B3GALNT2: variants seen among roughly 807,000 people sequenced by gnomAD.
B3GALNT2 encodes the protein UDP-GalNAc:beta-1,3-N-acetylgalactosaminyltransferase 2.
Under a neutral mutation model 61.1 loss-of-function variants are expected in B3GALNT2, and 53 were observed. That is an observed-to-expected ratio of 0.87 (90% CI 0.70 to 1.09). B3GALNT2 has a LOEUF of 1.09. Among genes scored for constraint, B3GALNT2 ranks in the 50% least tolerant of loss-of-function variants. B3GALNT2 has a pLI of 0.00. For synonymous variants in B3GALNT2, 223 were observed against 237.4 expected, an observed-to-expected ratio of 0.94 and a Z score of 0.56; for missense variants, 544 against 623.0, an observed-to-expected ratio of 0.87 and a Z score of 1.35.
intron 4 of B3GALNT2, among the ~76,000 whole-genome samples, chr1:235,483,479 C>A (rs1182957004): frequency 6.6e-6 from 1 of 152,138 alleles, no homozygotes; most frequent in Non-Finnish European, 1.5e-5. Flanking sequence ...TGCCTCACGC[C>A]TGTAATCCCA....
chr1:235,470,541 G>T (rs1218948297), intron 6 of B3GALNT2, among the ~76,000 whole-genome samples: 1 of 138,888 alleles, frequency 7.2e-6, no homozygotes, highest in Non-Finnish European at 1.5e-5. Context: ...TCGTGCTAGT[G>T]CACCCCAGCC....
intron 7 of B3GALNT2, 73 bp downstream of exon 7, chr1:235,465,563 C>T: frequency 6.5e-7 from 1 of 1,549,574 alleles, no homozygotes; most frequent in South Asian, 1.2e-5. Flanking sequence ...AAGAAAAAAT[C>T]CTTTTCTCTC....
intron 3 of B3GALNT2, 71 bp downstream of exon 3, chr1:235,489,097 T>A (rs867901176): frequency 6.5e-7 from 1 of 1,541,718 alleles, no homozygotes; most frequent in Non-Finnish European, 8.7e-7. Flanking sequence ...ACAGACTCCA[T>A]ACTATTAAGC....
downstream of B3GALNT2, among the ~76,000 whole-genome samples, chr1:235,445,475 T>A (rs2102945881): frequency 6.6e-6 from 1 of 151,852 alleles, no homozygotes; most frequent in South Asian, 2.1e-4. Context: ...CAAAAATAAA[T>A]AAATACAAAA....
intron 6 of B3GALNT2, among the ~76,000 whole-genome samples, chr1:235,470,366 G>A (rs530128437): frequency 1.1e-4 from 16 of 152,044 alleles, no homozygotes; most frequent in African/African-American, 3.1e-4. Context: ...GTAGGTGGGC[G>A]GATCACTTGA....
intron 5 of B3GALNT2, among the ~76,000 whole-genome samples, chr1:235,475,601 T>C (rs1684240348): frequency 6.6e-6 from 1 of 152,074 alleles, no homozygotes; most frequent in African/African-American, 2.4e-5. Context: ...CAATCAGCCT[T>C]GATGCAGTAA....
At chr1:235,442,782 A>G, downstream of B3GALNT2, 5 of 1,457,916 alleles carry the variant, frequency 3.4e-6, no homozygotes, top group Non-Finnish European at 4.8e-6. Flanking sequence ...CCATCTGTTG[A>G]TGTGTGTGGA....
Position 235,449,052 on chromosome 1 carries a change from ACTAG to A in B3GALNT2, c.*1150_*1153del, listed in dbSNP as rs1682711278. On this transcript the variant is annotated 3_prime_UTR_variant, in exon 12 of 12. Transcript: ENST00000366600. ...AGATTTAAATATTAAATAGAAAGAAACTAGCTAGCCTAATAAAATCTGAACACAG... is the reference window on the plus strand; with the variant it reads ...AGATTTAAATATTAAATAGAAAGAAACTAGCCTAATAAAATCTGAACACAG... 2 of 343,314 alleles carry A rather than the reference ACTAG, an allele frequency of 5.8e-6. No homozygotes were observed. Among genetic ancestry groups the A allele is most frequent in the Admixed American group, 8.6e-5 (2 of 23,334 alleles). The allele number at this position is 343,314 out of a possible 1,614,324, so 21.3% of individuals were successfully genotyped here. A position where few individuals can be genotyped will look rare whatever the true frequency, so the allele number is the denominator to read the frequency against.
chr1:235,449,043 TAGAA>T lies in B3GALNT2; in HGVS notation c.*1159_*1162del, dbSNP rs535642426. ...TTCATGATAAGATTTAAATATTAAA[TAGAA>T]AGAAACTAGCTAGCCTAATAAAATC... On this transcript the variant is annotated 3_prime_UTR_variant, in exon 12 of 12. Transcript: ENST00000366600. 984 of 350,248 alleles carry T rather than the reference TAGAA, an allele frequency of 2.8e-3. 22 individuals are homozygous for T. The highest frequency in any genetic ancestry group is 0.022 in the South Asian group (856 of 39,240). The allele number at this position is 350,248 out of a possible 1,614,324, so 21.7% of individuals were successfully genotyped here. A position where few individuals can be genotyped will look rare whatever the true frequency, so the allele number is the denominator to read the frequency against.
At chr1:235,493,322 C>T (rs1211763070) in intron 2 of B3GALNT2, among the ~76,000 whole-genome samples, 2 of 152,180 alleles carry the variant, frequency 1.3e-5, no homozygotes, top group Admixed American at 6.5e-5. Flanking sequence ...GGAAATACTA[C>T]AGGAAGTACA....
intron 2 of B3GALNT2, 128 bp from the exon 3 acceptor site, chr1:235,489,396 T>C (rs1047706654): frequency 3.5e-6 from 5 of 1,414,368 alleles, no homozygotes; most frequent in Non-Finnish European, 4.7e-6. Flanking sequence ...TCTACCTTTA[T>C]TCTTCTAGTC....
chr1:235,454,258 C>T lies in B3GALNT2; in HGVS notation c.1209G>A (p.Pro403=), dbSNP rs375288669. 1.2e-4 allele frequency: 195 copies of T among 1,613,070 alleles called. No homozygotes were observed. Among genetic ancestry groups the T allele is most frequent in the Non-Finnish European group, 1.6e-4 (190 of 1,179,236 alleles). ...ATGCAAAGGCAGGGTAAGCGGGGCT[C>T]GGGTACTCCAACTCCTGCCACTTTC... is the stretch of plus-strand genomic sequence containing the variant. ...RTGKWQELEY[P]SPAYPAFACG... The change falls in exon 10 of 12, where the codon CCG becomes CCA. Residue 403 remains proline (P), a synonymous_variant. Transcript: ENST00000366600.
intron 5 of B3GALNT2, among the ~76,000 whole-genome samples, chr1:235,472,559 C>T (rs868816891): frequency 6.6e-6 from 1 of 152,210 alleles, no homozygotes; most frequent in South Asian, 2.1e-4. Context: ...ACTGCCTCTA[C>T]TAGAAGACAA....
chr1:235,493,351 G>C (rs434910), intron 2 of B3GALNT2, among the ~76,000 whole-genome samples: 3 of 151,998 alleles, frequency 2.0e-5, no homozygotes, highest in Non-Finnish European at 4.4e-5. Flanking sequence ...AGGTGGTTCT[G>C]ATAGTAGTGA....
In B3GALNT2 at chr1:235,461,523, T is replaced by G. The variant is rs1185131924; in HGVS notation, c.842-2737A>C. ...TGACCTCCTGTTTTTTTTTTTTTTT[T>G]TTTTTTTTTTTGAGATGGAGTCTCA... is the stretch of plus-strand genomic sequence containing the variant. On this transcript the variant is annotated intron_variant, in intron 7 of 11. Transcript: ENST00000366600. Among the ~76,000 whole-genome samples the G allele has an allele frequency of 4.3e-5, 6 of 138,782 alleles. No individual in the cohort carries two copies. In the South Asian group the frequency reaches 1.0e-3, roughly 23 times the overall value. The allele number at this position is 138,782 out of a possible 152,430, so 91.0% of individuals were successfully genotyped here. A position where few individuals can be genotyped will look rare whatever the true frequency, so the allele number is the denominator to read the frequency against.
intron 5 of B3GALNT2, among the ~76,000 whole-genome samples, chr1:235,475,955 G>T (rs1684257309): frequency 6.6e-6 from 1 of 152,058 alleles, no homozygotes; most frequent in Non-Finnish European, 1.5e-5. Context: ...CTCCCAAAGT[G>T]CTGGGAGGAT....
chr1:235,480,023 G>A (rs200110399), intron 5 of B3GALNT2, 31 bp downstream of exon 5: 20 of 1,612,058 alleles, frequency 1.2e-5, no homozygotes, highest in African/African-American at 1.3e-5. Flanking sequence ...GGACTGCATT[G>A]GTACTACAGT....
chr1:235,470,240 T>G (rs1304550182), intron 6 of B3GALNT2, among the ~76,000 whole-genome samples: 1 of 152,162 alleles, frequency 6.6e-6, no homozygotes, highest in South Asian at 2.1e-4. Flanking sequence ...CAAGGTGAGA[T>G]AGTAAATACT....
chr1:235,452,619 G>A (rs896585746), intron 11 of B3GALNT2, among the ~76,000 whole-genome samples: 4 of 151,482 alleles, frequency 2.6e-5, no homozygotes, highest in Admixed American at 2.0e-4. Context: ...TGCATTCACA[G>A]CTCCCTGCAC....
Sources: allele counts gnomAD v4.1 joint callset (sites outside exome capture counted in the v4.1 genomes callset), GRCh38; gene constraint gnomAD v4.1.1; transcripts MANE v1.5; gene names NCBI Gene and HGNC (gene_info 2026-07-23, HGNC 2026-07-21).